MYH10: variants seen among roughly 807,000 people sequenced by gnomAD.
The protein encoded by MYH10 is myosin heavy chain 10, also known as myosin-10.
MYH10 carries 55 observed loss-of-function variants against 257.8 expected under a neutral mutation model. That is an observed-to-expected ratio of 0.21 (90% CI 0.17 to 0.27). MYH10 has a LOEUF of 0.27. MYH10 is among the 10% of genes least tolerant of loss of function. MYH10 has a pLI of 1.00. For synonymous variants in MYH10, 854 were observed against 921.7 expected, an observed-to-expected ratio of 0.93 and a Z score of 1.33; for missense variants, 1,631 against 2,500.6, an observed-to-expected ratio of 0.65 and a Z score of 7.42.
rs146254620 is a variant in MYH10 at position 8,509,928 on chromosome 17, C to T, written c.2974G>A (p.Glu992Lys). Residue 992 changes from glutamate to lysine, a missense_variant, in exon 25 of 43, where the codon GAG becomes AAG. Physicochemically the swap from Glu to Lys is moderately conservative, Grantham distance 56. Around this residue, in one of 11 missense-constraint regions of MYH10, gnomAD observed 169 missense variants for 249.8 expected, o/e 0.68. Coordinates refer to ENST00000360416, the MANE Select transcript of MYH10 (RefSeq NM_001256012.3). ...HIQDLEEQLDEEEGARQKLQL... is the reference protein window; with the variant it reads ...HIQDLEEQLDKEEGARQKLQL... ...AGCTTTTGCCGAGCCCCTTCCTCCT[C>T]GTCTAGCTGTTCTTCCAGGTCCTTG... 37 of 1,612,190 alleles carry T rather than the reference C, an allele frequency of 2.3e-5. No individual in the cohort carries two copies. The Admixed American group carries it at 4.5e-4, about 20-fold the overall frequency.
intron 24 of MYH10, chr17:8,511,023 T>TATATATATAA (rs2081254341): frequency 4.6e-3 from 18 of 3,936 alleles, no homozygotes; most frequent in African/African-American, 5.2e-3. Context: ...CCCATATATA[T>TATATATATAA]ATATATATAT....
chr17:8,537,467 C>T (rs997715866), intron 14 of MYH10, among the ~76,000 whole-genome samples: 9 of 152,304 alleles, frequency 5.9e-5, no homozygotes, highest in African/African-American at 1.9e-4. Flanking sequence ...AATGGAGACC[C>T]TTACCCCAGG....
At chr17:8,518,149 T>TGTGTGTGTGTGTG (rs1555583009) in intron 21 of MYH10, among the ~76,000 whole-genome samples, 2 of 81,284 alleles carry the variant, frequency 2.5e-5, no homozygotes, top group African/African-American at 4.6e-5. Context: ...GTGTGTGTGT[T>TGTGTGTGTGTGTG]TGAGATAGGG....
intron 17 of MYH10, among the ~76,000 whole-genome samples, chr17:8,528,670 C>A (rs996440570): frequency 3.0e-4 from 45 of 152,130 alleles, no homozygotes; most frequent in Admixed American, 3.3e-4. Context: ...TATGTCAGCA[C>A]GTCACAGGCA....
chr17:8,533,149 C>A (rs2082049777), intron 16 of MYH10, among the ~76,000 whole-genome samples: 1 of 152,184 alleles, frequency 6.6e-6, no homozygotes, highest in Non-Finnish European at 1.5e-5. Context: ...CAACTCCTCA[C>A]TTCCAGGCTC....
intron 9 of MYH10, among the ~76,000 whole-genome samples, chr17:8,551,056 T>C (rs7216286): frequency 0.94 from 140,053 of 148,226 alleles, 66,702 homozygotes; most frequent in East Asian, 1. Context: ...TGTTCACTTG[T>C]TTATCTGCTG....
chr17:8,527,913 G>A (rs112356945), intron 17 of MYH10, among the ~76,000 whole-genome samples: 2,046 of 152,312 alleles, frequency 0.013, 28 homozygotes, highest in Non-Finnish European at 0.02. Context: ...CATTGAAAGC[G>A]AGAACAATTT....
chr17:8,507,972 T>TAAAAAA (rs113624706), intron 26 of MYH10, among the ~76,000 whole-genome samples: 3 of 150,476 alleles, frequency 2.0e-5, no homozygotes, highest in Admixed American at 6.6e-5. Flanking sequence ...AACTCCATCT[T>TAAAAAA]AAAAAAAAAG....
At chr17:8,481,178 C>T (rs1174362060) in intron 38 of MYH10, 144 bp downstream of exon 38, 37 of 649,392 alleles carry the variant, frequency 5.7e-5, no homozygotes, top group Non-Finnish European at 9.4e-5. Flanking sequence ...AGGACTGGCA[C>T]GGGGTACCAT....
chr17:8,543,311 G>C (rs889707271), intron 13 of MYH10, among the ~76,000 whole-genome samples: 13 of 152,140 alleles, frequency 8.5e-5, no homozygotes, highest in African/African-American at 3.1e-4. Flanking sequence ...TGCAAGGAGG[G>C]CAGGGGCAGT....
At chr17:8,626,503 G>C (rs2085680449) in intron 1 of MYH10, among the ~76,000 whole-genome samples, 1 of 151,470 alleles carries the variant, frequency 6.6e-6, no homozygotes, top group African/African-American at 2.4e-5. Context: ...GGAGGCAGAG[G>C]TTGTAGTGAG....
chr17:8,481,215 G>T (rs1296438724), intron 38 of MYH10, 107 bp downstream of exon 38: 2 of 1,117,112 alleles, frequency 1.8e-6, no homozygotes, highest in East Asian at 4.9e-5. Context: ...GCCCAGCGAG[G>T]GAGGAGCAAA....
intron 9 of MYH10, among the ~76,000 whole-genome samples, chr17:8,550,618 C>A (rs943088511): frequency 6.6e-6 from 1 of 152,112 alleles, no homozygotes. Flanking sequence ...CTCTGCCCGG[C>A]CACCACCCCG....
intron 3 of MYH10, among the ~76,000 whole-genome samples, chr17:8,593,751 C>A (rs953824251): frequency 3.9e-5 from 6 of 152,052 alleles, no homozygotes; most frequent in Non-Finnish European, 7.4e-5. Context: ...GTTGTTAATT[C>A]GGCCTCAACT....
chr17:8,512,810 A>G (rs772806531), intron 23 of MYH10, among the ~76,000 whole-genome samples, 153 bp from the exon 24 acceptor site: 1 of 152,166 alleles, frequency 6.6e-6, no homozygotes, highest in Non-Finnish European at 1.5e-5. Context: ...GTTTTTGTCT[A>G]TAGCAAAATA....
At chr17:8,537,106 T>C (rs1171940303) in intron 14 of MYH10, among the ~76,000 whole-genome samples, 1 of 152,214 alleles carries the variant, frequency 6.6e-6, no homozygotes, top group East Asian at 1.9e-4. Flanking sequence ...AAATGACACA[T>C]GAAAGCTAAA....
chr17:8,512,064 G>A (rs890332502), intron 24 of MYH10, among the ~76,000 whole-genome samples: 4 of 152,322 alleles, frequency 2.6e-5, no homozygotes, highest in Non-Finnish European at 5.9e-5. Flanking sequence ...AGTGCTGAGC[G>A]TTTCTTATTA....
intron 3 of MYH10, among the ~76,000 whole-genome samples, chr17:8,596,729 C>T (rs1377479156): frequency 1.3e-5 from 2 of 150,670 alleles, no homozygotes; most frequent in African/African-American, 2.5e-5. Context: ...ACTCAGTAGT[C>T]CTAACATCTT....
intron 34 of MYH10, among the ~76,000 whole-genome samples, chr17:8,492,064 T>A (rs1288052599): frequency 1.3e-5 from 2 of 152,150 alleles, no homozygotes; most frequent in African/African-American, 4.8e-5. Flanking sequence ...AGAAGAAACA[T>A]GTTCACCTCC....
Sources: allele counts gnomAD v4.1 joint callset (sites outside exome capture counted in the v4.1 genomes callset), GRCh38; gene constraint gnomAD v4.1.1; regional missense constraint gnomAD v4.1.1; transcripts MANE v1.5; gene names NCBI Gene and HGNC (gene_info 2026-07-23, HGNC 2026-07-21).